Variants in COBLL1 observed in about 807,000 individuals in gnomAD.
The protein encoded by COBLL1 is cordon-bleu WH2 repeat protein like 1.
In COBLL1, 50 loss-of-function variants were observed where a neutral mutation model predicts 94.8. The ratio of observed to expected loss-of-function variants is 0.53; its 90% CI spans 0.42 to 0.67. The LOEUF is 0.67. Among genes scored for constraint, COBLL1 ranks in the 30% least tolerant of loss-of-function variants. The pLI, the probability that COBLL1 is intolerant of heterozygous loss-of-function variation, is 0.00. For synonymous variants in COBLL1, 448 were observed against 473.8 expected (o/e 0.95, Z 0.71); for missense variants, 1,362 against 1,348.7 (o/e 1.01, Z -0.15).
In COBLL1 at chr2:164,837,086, G is replaced by A. The variant is rs138523811; in HGVS notation, c.41+4070C>T. Among the ~76,000 whole-genome samples the A allele has an allele frequency of 2.4e-4, 36 of 152,226 alleles. No homozygotes were observed. The East Asian group carries it at 5.4e-3, about 23-fold the overall frequency. On this transcript the variant is annotated intron_variant, in intron 2 of 13. Coordinates refer to ENST00000652658, the MANE Select transcript of COBLL1 (RefSeq NM_001365672.2). ...CTGTTAAATCATTCTTTAATTTTTC[G>A]TATGCCTTCAATTAACTCCATAGCT...
In COBLL1 at chr2:164,722,105, C is replaced by T; in HGVS notation, c.966G>A (p.Val322=). 6.2e-7 allele frequency: 1 copy of T among 1,610,278 alleles called. No individual in the cohort carries two copies. Among genetic ancestry groups the T allele is most frequent in the South Asian group, 1.1e-5 (1 of 90,562 alleles). Reference sequence around the variant, plus strand: ...CTGTCTCATCCACGCTCATGGATTTCACTATACAAGAAGCAGGCCTCTCCT... The same window carrying T: ...CTGTCTCATCCACGCTCATGGATTTTACTATACAAGAAGCAGGCCTCTCCT... ...HIQERPASCI[V]KSMSVDETDK... is the part of the protein sequence containing the mutation. Residue 322 remains valine (V), a synonymous_variant, in exon 7 of 14, where the codon GTG becomes GTA. Transcript: ENST00000652658.
At position 164,683,942 on chromosome 2, in the gene COBLL1, T is replaced by C. The variant is rs935127171; in HGVS notation, c.*2004A>G. On this transcript the variant is annotated 3_prime_UTR_variant, in exon 14 of 14. Coordinates refer to ENST00000652658, the MANE Select transcript of COBLL1 (RefSeq NM_001365672.2). ...ATTTTTGCAGATGTCTCCTTATGCA[T>C]GTGCATAAGTACTTATTTAAGGTAA... 1.3e-5 allele frequency: 2 copies of C among 152,168 alleles called. No homozygotes were observed. Among genetic ancestry groups the C allele is most frequent in the Admixed American group, 1.3e-4 (2 of 15,254 alleles). The allele number at this position is 152,168 out of a possible 1,614,324, so 9.4% of individuals were successfully genotyped here.
chr2:164,675,881 C>T (rs1347218056), downstream of COBLL1, among the ~76,000 whole-genome samples: 1 of 152,122 alleles, frequency 6.6e-6, no homozygotes. Context: ...AAGGTGCGGT[C>T]CAGTACTGCT....
intron 13 of COBLL1, among the ~76,000 whole-genome samples, chr2:164,688,276 G>C (rs964966782): frequency 6.6e-6 from 1 of 152,094 alleles, no homozygotes; most frequent in African/African-American, 2.4e-5. Context: ...TTAAACACAA[G>C]AAGCCATCAA....
intron 2 of COBLL1, among the ~76,000 whole-genome samples, chr2:164,665,251 A>T (rs1037646261): frequency 1.3e-5 from 2 of 151,778 alleles, no homozygotes; most frequent in Admixed American, 6.6e-5. Context: ...GAATCATTTG[A>T]ACCCAGGGAC....
chr2:164,719,264 T>C (rs1685331838), intron 7 of COBLL1, among the ~76,000 whole-genome samples: 1 of 151,972 alleles, frequency 6.6e-6, no homozygotes, highest in African/African-American at 2.4e-5. Context: ...ATGATTCGGA[T>C]CTTAAATACG....
intron 4 of COBLL1, 134 bp from the exon 5 acceptor site, chr2:164,728,331 A>G (rs759540590): frequency 1.2e-5 from 7 of 600,168 alleles, no homozygotes; most frequent in Non-Finnish European, 2.0e-5. Flanking sequence ...TTGGTGTGAA[A>G]TTCTCTTTTT....
rs559074340 is a variant in COBLL1, at chr2:164,827,138, G to A, written c.41+14018C>T. On this transcript the variant is annotated intron_variant, in intron 2 of 13. Coordinates refer to ENST00000652658, the MANE Select transcript of COBLL1 (RefSeq NM_001365672.2). ...GTTATTTTGTATTTTTAGTAGAGAC[G>A]GGGATTCCCCATGCTGGCCAGGCTG... Among the ~76,000 whole-genome samples, 10 of 152,004 alleles carry A rather than the reference G, an allele frequency of 6.6e-5. No homozygotes were observed. The East Asian group carries it at 7.8e-4, about 12-fold the overall frequency.
At chr2:164,805,367 C>A (rs1303229143) in intron 2 of COBLL1, among the ~76,000 whole-genome samples, 68 of 39,960 alleles carry the variant, frequency 1.7e-3, no homozygotes, top group African/African-American at 2.1e-3. Context: ...ATATATAAAA[C>A]TAAAGTTCAT....
intron 2 of COBLL1, among the ~76,000 whole-genome samples, chr2:164,767,326 A>C (rs1360574448): frequency 6.6e-6 from 1 of 152,222 alleles, no homozygotes; most frequent in Non-Finnish European, 1.5e-5. Flanking sequence ...CTTATGGAAA[A>C]TAGTTTAGGA....
intron 1 of COBLL1, among the ~76,000 whole-genome samples, chr2:164,671,226 G>T (rs1022768827): frequency 1.3e-5 from 2 of 151,956 alleles, no homozygotes; most frequent in Non-Finnish European, 2.9e-5. Context: ...CTATAAATTA[G>T]AATACTATAA....
intron 2 of COBLL1, among the ~76,000 whole-genome samples, chr2:164,756,085 G>A (rs1210506876): frequency 2.1e-5 from 3 of 139,838 alleles, no homozygotes; most frequent in East Asian, 2.2e-4. Flanking sequence ...GAGGGAGGGA[G>A]GGAGGGAGAG....
intron 2 of COBLL1, among the ~76,000 whole-genome samples, chr2:164,822,290 G>C (rs551791787): frequency 3.9e-4 from 59 of 152,194 alleles, no homozygotes; most frequent in Non-Finnish European, 6.6e-4. Context: ...GGCAACAAAG[G>C]TAACTGCTAG....
intron 7 of COBLL1, among the ~76,000 whole-genome samples, chr2:164,714,598 G>C (rs1031519743): frequency 6.6e-6 from 1 of 152,132 alleles, no homozygotes; most frequent in Non-Finnish European, 1.5e-5. Context: ...GGCCAACTCA[G>C]TTCATCCAGA....
At chr2:164,701,520 C>G (rs971512263) in intron 9 of COBLL1, among the ~76,000 whole-genome samples, 2 of 152,172 alleles carry the variant, frequency 1.3e-5, no homozygotes, top group Non-Finnish European at 2.9e-5. Flanking sequence ...ACCATACTCA[C>G]GTTTCCTTTT....
chr2:164,749,354 T>C (rs1441580096), intron 2 of COBLL1, among the ~76,000 whole-genome samples: 2 of 152,142 alleles, frequency 1.3e-5, no homozygotes, highest in African/African-American at 4.8e-5. Context: ...CTTAAAACAA[T>C]AGGGTTTTTA....
chr2:164,839,391 C>T (rs571320358), intron 2 of COBLL1, among the ~76,000 whole-genome samples: 11 of 106,306 alleles, frequency 1.0e-4, no homozygotes, highest in East Asian at 8.3e-4. Context: ...CCTGGGGTTT[C>T]GGATCAACTA....
intron 2 of COBLL1, among the ~76,000 whole-genome samples, chr2:164,805,331 C>CTA (rs1287905601): frequency 4.0e-3 from 85 of 21,270 alleles, no homozygotes; most frequent in South Asian, 0.011. Flanking sequence ...CTCTCTCTCT[C>CTA]TCTCTCTATA....
Position 164,695,638 on chromosome 2 carries a change from G to A in COBLL1, c.1754C>T (p.Ser585Leu). 6.2e-7 allele frequency: 1 copy of A among 1,613,900 alleles called. No individual in the cohort carries two copies. Among genetic ancestry groups the A allele is most frequent in the Non-Finnish European group, 8.5e-7 (1 of 1,179,886 alleles). ...TTGATTCAGTTTTTGATCTGGTACT[G>A]ATGAAGCTGCTAGATGGTTTTCCTT... is the stretch of plus-strand genomic sequence containing the variant. ...SYKENHLAAS[S>L]VPDQKLNQPS... Residue 585 changes from serine to leucine, a missense_variant, in exon 12 of 14, where the codon TCA becomes TTA. Physicochemically the swap from Ser to Leu is moderately radical, Grantham distance 145 (BLOSUM62 -2). Transcript: ENST00000652658.
Sources: gnomAD v4.1 joint callset for allele counts (sites outside exome capture counted in the v4.1 genomes callset) on GRCh38, gnomAD v4.1.1 for gene constraint, MANE v1.5 for transcripts, NCBI Gene and HGNC (gene_info 2026-07-23, HGNC 2026-07-21) for gene names.